The following NQO2 variants were observed in gnomAD, a reference collection of about 807,000 sequenced individuals.
NQO2 encodes N-ribosyldihydronicotinamide:quinone dehydrogenase 2.
NQO2 carries 18 observed loss-of-function variants against 22.0 expected under a neutral mutation model. The observed-to-expected ratio is 0.82, with a 90% CI of 0.56 to 1.21. NQO2 has a LOEUF of 1.21. Ranked by LOEUF, NQO2 falls within the 50% of genes most tolerant of loss-of-function variation. The pLI is 0.00. For missense variants in NQO2, 267 were observed against 286.9 expected (o/e 0.93, Z 0.50); for synonymous variants, 106 against 110.8 (o/e 0.96, Z 0.28).
chr6:3,017,035 GAC>G (rs1427037241), intron 6 of NQO2, 50 bp downstream of exon 6: 8 of 1,595,212 alleles, frequency 5.0e-6, no homozygotes, highest in Non-Finnish European at 1.7e-6. Flanking sequence ...CGCACACACA[GAC>G]ACACACATGC....
Position 3,006,358 on chromosome 6 carries a change from C to T in NQO2, c.-85-110C>T. 1.4e-6 allele frequency: 2 copies of T among 1,411,958 alleles called. No individual in the cohort carries two copies. Among genetic ancestry groups the T allele is most frequent in the African/African-American group, 2.9e-5 (2 of 67,900 alleles). The allele number at this position is 1,411,958 out of a possible 1,614,324, so 87.5% of individuals were successfully genotyped here. ...TCCTGGCCTCTCTTGAGAGGTCTTTCTCTGATGTGTTTGCGTGTCTGTCAG... is the reference window on the plus strand; with the variant it reads ...TCCTGGCCTCTCTTGAGAGGTCTTTTTCTGATGTGTTTGCGTGTCTGTCAG... On this transcript the variant is annotated intron_variant, in intron 1 of 6. Coordinates refer to ENST00000380455, the MANE Select transcript of NQO2 (RefSeq NM_000904.6). This position sits in a 1 kb window ranked among gnomAD's most constrained non-coding sequence, Gnocchi z 4.0.
At chr6:3,018,342 C>T (rs1405338569) in intron 6 of NQO2, among the ~76,000 whole-genome samples, 1 of 152,120 alleles carries the variant, frequency 6.6e-6, no homozygotes, top group Non-Finnish European at 1.5e-5. Context: ...CCCATCTCTA[C>T]TAAAACACAA....
Position 3,006,593 on chromosome 6 carries a change from T to C in NQO2, c.7+34T>C. 1 of 1,564,650 alleles carries C rather than the reference T, an allele frequency of 6.4e-7. No homozygotes were observed. The highest frequency in any genetic ancestry group is 8.6e-7 in the Non-Finnish European group (1 of 1,157,462). Reference sequence around the variant, plus strand: ...TCACTATTGTGGAGTAAGACTTTTTTTTTTTTGAGATGGGATTTTGTTGTA... The same window carrying C: ...TCACTATTGTGGAGTAAGACTTTTTCTTTTTTGAGATGGGATTTTGTTGTA... On this transcript the variant is annotated intron_variant, in intron 2 of 6. Transcript: ENST00000380455. The surrounding 1 kb of genome is among the most constrained non-coding windows in gnomAD (Gnocchi z 4.0).
chr6:3,001,542 A>G (rs866779317), intron 1 of NQO2, among the ~76,000 whole-genome samples: 1 of 152,222 alleles, frequency 6.6e-6, no homozygotes, highest in South Asian at 2.1e-4. Context: ...AAAAAATGGA[A>G]ATAACCTAAG....
intron 1 of NQO2, among the ~76,000 whole-genome samples, chr6:3,004,815 A>G (rs567726159): frequency 6.6e-6 from 1 of 152,032 alleles, no homozygotes; most frequent in South Asian, 2.1e-4. Context: ...ATTTTTTCCT[A>G]CTGTGGTACA....
Position 3,017,066 on chromosome 6 carries a change from ACACG to A in NQO2, c.519+85_519+88del, listed in dbSNP as rs57369286. The A allele has an allele frequency of 3.9e-3, 5,742 of 1,468,832 alleles. 137 individuals are homozygous for A. The African/African-American group carries it at 0.065, about 17-fold the overall frequency. The allele number at this position is 1,468,832 out of a possible 1,614,324, so 91.0% of individuals were successfully genotyped here. On this transcript the variant is annotated intron_variant, in intron 6 of 6. Coordinates refer to ENST00000380455, the MANE Select transcript of NQO2 (RefSeq NM_000904.6). Reference sequence around the variant, plus strand: ...CACATGCACACATGCATACACACACACACGCACACACATACATGCCCTCAGCTCC... The same window carrying A: ...CACATGCACACATGCATACACACACACACACACATACATGCCCTCAGCTCC...
intron 5 of NQO2, among the ~76,000 whole-genome samples, chr6:3,015,988 G>T (rs968354203): frequency 6.6e-6 from 1 of 152,154 alleles, no homozygotes; most frequent in Admixed American, 6.5e-5. Context: ...CTGGTGCAGA[G>T]CCCAGCCCTG....
intron 2 of NQO2, among the ~76,000 whole-genome samples, chr6:3,007,243 C>T (rs1389223097): frequency 2.6e-5 from 4 of 152,138 alleles, no homozygotes; most frequent in East Asian, 1.9e-4. Context: ...CCTCCCCCAC[C>T]GGCTGTGACA....
chr6:3,017,387 G>A (rs1344991187), intron 6 of NQO2, among the ~76,000 whole-genome samples: 1 of 152,158 alleles, frequency 6.6e-6, no homozygotes, highest in Non-Finnish European at 1.5e-5. Flanking sequence ...GCTTGGTGAG[G>A]GCAGCACTGC....
intron 1 of NQO2, among the ~76,000 whole-genome samples, chr6:3,003,967 C>T (rs1454893691): frequency 6.6e-6 from 1 of 151,454 alleles, no homozygotes; most frequent in Non-Finnish European, 1.5e-5. Context: ...ATCCAGGTTC[C>T]TTTGGTATTT....
chr6:3,005,787 G>GTC (rs1036946693), intron 1 of NQO2: 7 of 985,212 alleles, frequency 7.1e-6, no homozygotes, highest in East Asian at 1.1e-4. Flanking sequence ...CATAGCAACT[G>GTC]TCTCTCTCTC....
intron 1 of NQO2, among the ~76,000 whole-genome samples, chr6:3,005,345 G>A (rs1307684259): frequency 6.6e-6 from 1 of 152,196 alleles, no homozygotes; most frequent in East Asian, 1.9e-4. Context: ...AGCAGCGGCA[G>A]CACTCGACCT....
In NQO2 at chr6:3,006,191, C is replaced by A; in HGVS notation, c.-85-277C>A. On this transcript the variant is annotated intron_variant, in intron 1 of 6. Transcript: ENST00000380455. This position sits in a 1 kb window ranked among gnomAD's most constrained non-coding sequence, Gnocchi z 4.0. Reference sequence around the variant, plus strand: ...GAAGGCCAAGGAGGCTCAACTCCTGCTTCCTACCGTGGCTCATTTCCTGGG... The same window carrying A: ...GAAGGCCAAGGAGGCTCAACTCCTGATTCCTACCGTGGCTCATTTCCTGGG... 2.9e-6 allele frequency: 1 copy of A among 344,314 alleles called. No homozygotes were observed. The highest frequency in any genetic ancestry group is 4.1e-6 in the Non-Finnish European group (1 of 244,086). 21.3% of individuals were successfully genotyped at this position (344,314 alleles called of 1,614,324 possible). A position where few individuals can be genotyped will look rare whatever the true frequency, so the allele number is the denominator to read the frequency against.
At chr6:3,002,117 C>A in intron 1 of NQO2, 1 of 698,530 alleles carries the variant, frequency 1.4e-6, no homozygotes, top group Non-Finnish European at 1.8e-6. Context: ...TAAACTGGGC[C>A]AAGGAATACA....
chr6:3,013,948 C>G (rs995285437), intron 4 of NQO2, among the ~76,000 whole-genome samples: 4 of 152,196 alleles, frequency 2.6e-5, no homozygotes, highest in Admixed American at 1.3e-4. Context: ...TTCTCTCTCA[C>G]TGCTTGCCAG....
At position 3,006,050 on chromosome 6, in the gene NQO2, TG is replaced by T. The variant is rs1380859643; in HGVS notation, c.-85-417del. 6.6e-6 allele frequency among the ~76,000 whole-genome samples: 1 copy of T among 152,204 alleles called. No homozygotes were observed. Among genetic ancestry groups the T allele is most frequent in the Non-Finnish European group, 1.5e-5 (1 of 68,034 alleles). ...GAGGGGAAGGGCCGACAACTGCCAG[TG>T]CTGGCCCACCAGAGTCTGGCACCAG... is the stretch of plus-strand genomic sequence containing the variant. On this transcript the variant is annotated intron_variant, in intron 1 of 6. Transcript: ENST00000380455. The surrounding 1 kb of genome is among the most constrained non-coding windows in gnomAD (Gnocchi z 4.0).
chr6:3,005,387 C>A (rs1367846957), intron 1 of NQO2, among the ~76,000 whole-genome samples: 2 of 152,220 alleles, frequency 1.3e-5, no homozygotes, highest in African/African-American at 4.8e-5. Context: ...TCCAACTTCT[C>A]CGCATCCTCA....
intron 2 of NQO2, among the ~76,000 whole-genome samples, chr6:3,007,492 G>A (rs746931680): frequency 2.0e-5 from 3 of 152,172 alleles, no homozygotes; most frequent in Non-Finnish European, 4.4e-5. Context: ...GCTTCAAACT[G>A]ATACGTGTAT....
chr6:3,011,703 A>T (rs572272948), intron 3 of NQO2, among the ~76,000 whole-genome samples: 9 of 152,206 alleles, frequency 5.9e-5, no homozygotes, highest in African/African-American at 1.9e-4. Flanking sequence ...AGCAAATAAC[A>T]TGTAACAGAG....
Sources: allele counts gnomAD v4.1 joint callset (sites outside exome capture counted in the v4.1 genomes callset), GRCh38; gene constraint gnomAD v4.1.1; non-coding constraint Gnocchi (gnomAD v3.1); transcripts MANE v1.5; gene names NCBI Gene and HGNC (gene_info 2026-07-23, HGNC 2026-07-21).